Variants in SPAG16 observed in about 807,000 individuals in gnomAD.
SPAG16 encodes sperm associated antigen 16.
SPAG16 carries 86 observed loss-of-function variants against 80.4 expected under a neutral mutation model. The observed-to-expected ratio is 1.07, with a 90% CI of 0.90 to 1.28. The LOEUF (loss-of-function observed/expected upper bound fraction) is 1.28, where lower values mean the gene tolerates loss of function less well. SPAG16 is among the 50% of genes most tolerant of loss of function. The pLI, the probability that SPAG16 is intolerant of heterozygous loss-of-function variation, is 0.00. For synonymous variants in SPAG16, 294 were observed against 265.9 expected, an observed-to-expected ratio of 1.11 and a Z score of -1.03; for missense variants, 870 against 765.3, an observed-to-expected ratio of 1.14 and a Z score of -1.61.
chr2:213,306,752 A>G (rs891539897), intron 3 of SPAG16, among the ~76,000 whole-genome samples: 5 of 152,052 alleles, frequency 3.3e-5, no homozygotes, highest in Non-Finnish European at 1.5e-5. Flanking sequence ...AATGTAAAAA[A>G]TTCCATAATT....
chr2:213,337,485 A>G (rs1384650354), intron 5 of SPAG16, among the ~76,000 whole-genome samples: 17 of 152,208 alleles, frequency 1.1e-4, no homozygotes, highest in Admixed American at 1.1e-3. Flanking sequence ...ATAAAACATT[A>G]CAGGAGCTGT....
chr2:213,440,728 A>G (rs993113889), intron 9 of SPAG16, among the ~76,000 whole-genome samples: 4 of 152,232 alleles, frequency 2.6e-5, no homozygotes, highest in Admixed American at 6.5e-5. Context: ...TCATTTGGTT[A>G]TATGTAAAAA....
intron 10 of SPAG16, among the ~76,000 whole-genome samples, chr2:213,605,674 A>T (rs2061234069): frequency 6.6e-6 from 1 of 151,984 alleles, no homozygotes; most frequent in Non-Finnish European, 1.5e-5. Context: ...TGTTTTTAGC[A>T]GAGATGGGGT....
intron 11 of SPAG16, among the ~76,000 whole-genome samples, chr2:213,910,852 A>T (rs958616121): frequency 2.6e-5 from 4 of 152,214 alleles, no homozygotes; most frequent in Admixed American, 2.6e-4. Flanking sequence ...TTTATTATCC[A>T]TATTTCCAAA....
Position 214,318,083 on chromosome 2 carries a change from G to A in SPAG16, c.1721-92057G>A, listed in dbSNP as rs936892494. ...GGTTCTTTTTAAAGATAGTTATGAT[G>A]TAAGATATCAGGATCCTGGATTCAT... On this transcript the variant is annotated intron_variant, in intron 15 of 15. Transcript: ENST00000331683. 2.0e-5 allele frequency among the ~76,000 whole-genome samples: 3 copies of A among 152,158 alleles called. No individual in the cohort carries two copies. The South Asian group carries it at 6.2e-4, about 32-fold the overall frequency.
At chr2:214,114,813 C>A (rs1041508331) in intron 14 of SPAG16, among the ~76,000 whole-genome samples, 1 of 152,134 alleles carries the variant, frequency 6.6e-6, no homozygotes, top group African/African-American at 2.4e-5. Flanking sequence ...TGGGCTGCAC[C>A]CACTGTCCAA....
At chr2:213,324,329 A>G (rs1386038713) in intron 5 of SPAG16, among the ~76,000 whole-genome samples, 1 of 152,146 alleles carries the variant, frequency 6.6e-6, no homozygotes, top group Non-Finnish European at 1.5e-5. Context: ...TGTCTTAGCT[A>G]TATAATTTTG....
At chr2:214,312,113 G>T (rs1166700820) in intron 15 of SPAG16, among the ~76,000 whole-genome samples, 1 of 152,216 alleles carries the variant, frequency 6.6e-6, no homozygotes, top group African/African-American at 2.4e-5. Flanking sequence ...GGGTTTTAGT[G>T]TGTGAATCAT....
intron 15 of SPAG16, among the ~76,000 whole-genome samples, chr2:214,387,497 T>TTAC (rs1700827194): frequency 6.6e-6 from 1 of 152,188 alleles, no homozygotes; most frequent in African/African-American, 2.4e-5. Context: ...AATTGGACTT[T>TTAC]TACTTTCCAC....
intron 15 of SPAG16, among the ~76,000 whole-genome samples, chr2:214,390,043 C>G (rs1236164196): frequency 6.6e-6 from 1 of 152,160 alleles, no homozygotes; most frequent in African/African-American, 2.4e-5. Context: ...TGTAGGATAC[C>G]TTGTAATTAT....
intron 10 of SPAG16, among the ~76,000 whole-genome samples, chr2:213,634,773 C>G (rs2062294419): frequency 2.0e-5 from 3 of 152,054 alleles, no homozygotes; most frequent in Admixed American, 2.0e-4. Context: ...TCCTCCCGAA[C>G]CCTCAAAGTC....
At chr2:213,630,293 A>T (rs2062099605) in intron 10 of SPAG16, among the ~76,000 whole-genome samples, 1 of 152,056 alleles carries the variant, frequency 6.6e-6, no homozygotes, top group Non-Finnish European at 1.5e-5. Flanking sequence ...CTGAGGCAGG[A>T]GAATCGCTTG....
chr2:214,164,002 G>T (rs948145781), intron 15 of SPAG16, among the ~76,000 whole-genome samples: 1 of 151,896 alleles, frequency 6.6e-6, no homozygotes, highest in Non-Finnish European at 1.5e-5. Context: ...ACCAAATACC[G>T]GGTACCATAT....
chr2:213,815,761 T>C (rs1459832073), intron 10 of SPAG16, among the ~76,000 whole-genome samples: 3 of 152,266 alleles, frequency 2.0e-5, no homozygotes, highest in Admixed American at 6.5e-5. Flanking sequence ...ATATTAGATA[T>C]GTTCATTAAT....
chr2:213,443,819 T>G (rs928321940), intron 9 of SPAG16, among the ~76,000 whole-genome samples: 2 of 152,184 alleles, frequency 1.3e-5, no homozygotes, highest in Non-Finnish European at 2.9e-5. Context: ...CATGCACAAG[T>G]GTTTCCAGGG....
At chr2:214,015,894 C>A (rs2047568573) in intron 13 of SPAG16, among the ~76,000 whole-genome samples, 1 of 152,032 alleles carries the variant, frequency 6.6e-6, no homozygotes, top group Non-Finnish European at 1.5e-5. Flanking sequence ...ATATAACAGG[C>A]TATGAGTGGA....
At chr2:214,095,662 A>C (rs116432241) in intron 13 of SPAG16, among the ~76,000 whole-genome samples, 2,132 of 152,222 alleles carry the variant, frequency 0.014, 46 homozygotes, top group African/African-American at 0.048. Flanking sequence ...GAAAAAAATG[A>C]AAACTTGTAT....
At chr2:214,255,223 C>T (rs1238888734) in intron 15 of SPAG16, among the ~76,000 whole-genome samples, 2 of 151,996 alleles carry the variant, frequency 1.3e-5, no homozygotes, top group East Asian at 3.8e-4. Context: ...TACCCACTTC[C>T]TCCTTTTGGT....
intron 10 of SPAG16, among the ~76,000 whole-genome samples, chr2:213,504,305 G>A (rs2074872420): frequency 6.6e-6 from 1 of 151,744 alleles, no homozygotes; most frequent in South Asian, 2.1e-4. Flanking sequence ...AAAGAAAGAG[G>A]GTGATATTTA....
Sources: gnomAD v4.1 joint callset for allele counts (sites outside exome capture counted in the v4.1 genomes callset) on GRCh38, gnomAD v4.1.1 for gene constraint, MANE v1.5 for transcripts, NCBI Gene and HGNC (gene_info 2026-07-23, HGNC 2026-07-21) for gene names.